Variants in SEPTIN7 observed in about 807,000 individuals in gnomAD.
SEPTIN7 encodes the protein septin-7.
SEPTIN7 carries 10 observed loss-of-function variants against 63.3 expected under a neutral mutation model. That is an observed-to-expected ratio of 0.16 (90% CI 0.10 to 0.27). The LOEUF is 0.27. SEPTIN7 is among the 10% of genes least tolerant of loss of function. SEPTIN7 has a pLI of 1.00. For missense variants in SEPTIN7, 310 were observed against 521.0 expected (o/e 0.59, Z 3.94); for synonymous variants, 131 against 165.3 (o/e 0.79, Z 1.59).
intron 3 of SEPTIN7, among the ~76,000 whole-genome samples, chr7:35,844,595 T>C (rs1410901275): frequency 7.7e-6 from 1 of 129,974 alleles, no homozygotes; most frequent in African/African-American, 3.7e-5. Context: ...TCACAACAAA[T>C]ATTTACCTAG....
intron 1 of SEPTIN7, among the ~76,000 whole-genome samples, chr7:35,817,360 G>T (rs549290254): frequency 2.6e-4 from 40 of 151,670 alleles, no homozygotes; most frequent in African/African-American, 9.2e-4. Flanking sequence ...GGCCATAAAT[G>T]TAAGGGTTTT....
intron 3 of SEPTIN7, among the ~76,000 whole-genome samples, chr7:35,850,746 T>C (rs1407792075): frequency 6.6e-6 from 1 of 152,196 alleles, no homozygotes; most frequent in African/African-American, 2.4e-5. Flanking sequence ...GTACATTGTT[T>C]GCATATCTTA....
At chr7:35,838,177 T>C (rs953132112) in intron 3 of SEPTIN7, among the ~76,000 whole-genome samples, 20 of 152,084 alleles carry the variant, frequency 1.3e-4, no homozygotes, top group African/African-American at 4.3e-4. Flanking sequence ...CATTGACATT[T>C]TTTTCCAGAA....
At chr7:35,907,159 GTATGTGGA>G (rs1478555637), downstream of SEPTIN7, 2 of 152,232 alleles carry the variant, frequency 1.3e-5, no homozygotes, top group Admixed American at 1.3e-4. Context: ...GATCTAGGCA[GTATGTGGA>G]TAGTTAATAG....
chr7:35,861,188 C>T (rs752536423), intron 3 of SEPTIN7, among the ~76,000 whole-genome samples: 3 of 151,986 alleles, frequency 2.0e-5, no homozygotes, highest in Non-Finnish European at 2.9e-5. Context: ...TCATTTTGCT[C>T]ATTATTTTCC....
chr7:35,908,379 A>T (rs563337264), downstream of SEPTIN7, among the ~76,000 whole-genome samples: 47 of 152,306 alleles, frequency 3.1e-4, 1 homozygote, highest in South Asian at 9.7e-3. Flanking sequence ...CATTTGCCCC[A>T]TGGGGTGCTG....
At chr7:35,887,965 G>C (rs1026264488) in intron 10 of SEPTIN7, among the ~76,000 whole-genome samples, 2 of 152,172 alleles carry the variant, frequency 1.3e-5, no homozygotes, top group African/African-American at 4.8e-5. Context: ...AAGGAATAGT[G>C]ATTGCTTCTA....
chr7:35,825,411 A>G (rs1783453175), intron 1 of SEPTIN7, among the ~76,000 whole-genome samples: 1 of 152,154 alleles, frequency 6.6e-6, no homozygotes, highest in Non-Finnish European at 1.5e-5. Flanking sequence ...TTTGCAGTTA[A>G]TAACTCAACT....
chr7:35,847,818 G>A (rs1399307642), intron 3 of SEPTIN7: 1 of 152,174 alleles, frequency 6.6e-6, no homozygotes, highest in Non-Finnish European at 1.5e-5. Flanking sequence ...TAGGGGATAC[G>A]TTTTGGTATA....
chr7:35,884,308 C>T (rs552699636), intron 9 of SEPTIN7, among the ~76,000 whole-genome samples: 143 of 152,142 alleles, frequency 9.4e-4, no homozygotes, highest in Non-Finnish European at 1.5e-3. Context: ...TCAAAGGAAG[C>T]GCTCACTGGA....
In SEPTIN7 at chr7:35,906,256, G is replaced by A. The variant is rs931811440; in HGVS notation, c.*1963G>A. 8 of 152,178 alleles carry A rather than the reference G, an allele frequency of 5.3e-5. No homozygotes were observed. Among genetic ancestry groups the A allele is most frequent in the Admixed American group, 5.2e-4 (8 of 15,278 alleles). The allele number at this position is 152,178 out of a possible 1,614,324, so 9.4% of individuals were successfully genotyped here. Reference sequence around the variant, plus strand: ...ACATTCATTATTCTACCATCCTAATGAAAACTTTCAGAAGTCTTTCTTTAT... The same window carrying A: ...ACATTCATTATTCTACCATCCTAATAAAAACTTTCAGAAGTCTTTCTTTAT... On this transcript the variant is annotated 3_prime_UTR_variant, in exon 14 of 14. Coordinates refer to ENST00000350320, the MANE Select transcript of SEPTIN7 (RefSeq NM_001788.6).
chr7:35,880,223 C>CTTTTTTTT, intron 7 of SEPTIN7, among the ~76,000 whole-genome samples: 2 of 72,776 alleles, frequency 2.7e-5, no homozygotes, highest in African/African-American at 6.0e-5. Flanking sequence ...TTTTTCTTTT[C>CTTTTTTTT]TTTTTTTTTT....
intron 4 of SEPTIN7, among the ~76,000 whole-genome samples, chr7:35,869,760 C>G (rs1786033099): frequency 6.6e-6 from 1 of 152,092 alleles, no homozygotes; most frequent in Non-Finnish European, 1.5e-5. Flanking sequence ...TCTGGAATCT[C>G]AGATGCCAAA....
At chr7:35,826,811 A>C (rs1281555782) in intron 1 of SEPTIN7, among the ~76,000 whole-genome samples, 1 of 152,102 alleles carries the variant, frequency 6.6e-6, no homozygotes, top group Non-Finnish European at 1.5e-5. Flanking sequence ...AAATTTGTTG[A>C]AAATTAGTAT....
intron 3 of SEPTIN7, among the ~76,000 whole-genome samples, chr7:35,859,960 T>G (rs1785415178): frequency 6.6e-6 from 1 of 152,172 alleles, no homozygotes; most frequent in Admixed American, 6.5e-5. Flanking sequence ...TTGGGAGAGT[T>G]TAATCAATTT....
chr7:35,842,833 ATC>A (rs1279337632), intron 3 of SEPTIN7, among the ~76,000 whole-genome samples: 6 of 152,182 alleles, frequency 3.9e-5, no homozygotes, highest in Non-Finnish European at 7.4e-5. Context: ...ACTTTAGTAT[ATC>A]TCTCTTCCTC....
At chr7:35,802,306 C>G in intron 1 of SEPTIN7, 1 of 334,662 alleles carries the variant, frequency 3.0e-6, no homozygotes, top group Non-Finnish European at 6.2e-6. Flanking sequence ...TTTTCTAGGA[C>G]ATTTCCATTT....
intron 1 of SEPTIN7, among the ~76,000 whole-genome samples, chr7:35,816,490 T>C (rs1185550051): frequency 6.6e-6 from 1 of 152,156 alleles, no homozygotes; most frequent in Admixed American, 6.5e-5. Flanking sequence ...GATATTTGGG[T>C]TGTTTTCTAC....
chr7:35,839,316 C>T (rs576068702), intron 3 of SEPTIN7, among the ~76,000 whole-genome samples: 4 of 152,124 alleles, frequency 2.6e-5, no homozygotes, highest in Non-Finnish European at 5.9e-5. Flanking sequence ...TTACTTTGAC[C>T]ACTGTGTAAT....
Sources: allele counts gnomAD v4.1 joint callset (sites outside exome capture counted in the v4.1 genomes callset), GRCh38; gene constraint gnomAD v4.1.1; transcripts MANE v1.5; gene names NCBI Gene and HGNC (gene_info 2026-07-23, HGNC 2026-07-21).